The following RAB27B variants were observed in gnomAD, a reference collection of about 807,000 sequenced individuals.
The protein encoded by RAB27B is ras-related protein Rab-27B.
Under a neutral mutation model 24.6 loss-of-function variants are expected in RAB27B, and 15 were observed. The ratio of observed to expected loss-of-function variants is 0.61; its 90% CI spans 0.41 to 0.94. RAB27B has a LOEUF of 0.94. Ranked by LOEUF, RAB27B falls within the 40% of genes least tolerant of loss-of-function variation. RAB27B has a pLI of 0.00. For missense variants in RAB27B, 261 were observed against 266.8 expected, an observed-to-expected ratio of 0.98 and a Z score of 0.15; for synonymous variants, 105 against 92.5, an observed-to-expected ratio of 1.14 and a Z score of -0.78.
chr18:54,873,635 T>C (rs1376476650), intron 1 of RAB27B, among the ~76,000 whole-genome samples: 2 of 148,910 alleles, frequency 1.3e-5, no homozygotes, highest in East Asian at 1.9e-4. Flanking sequence ...TATATGATTT[T>C]AGGACTCAAA....
Position 54,798,246 on chromosome 18 carries a change from A to G in RAB27B, c.-19-79321A>G, listed in dbSNP as rs1328943527. ...CCGTAGTGGGACTAAACATAGAGGCAGTCCTCCTCCAAGGCTGAGAAGCCA... is the reference window on the plus strand; with the variant it reads ...CCGTAGTGGGACTAAACATAGAGGCGGTCCTCCTCCAAGGCTGAGAAGCCA... On this transcript the variant is annotated intron_variant, in intron 2 of 4. Coordinates refer to the RAB27B transcript ENST00000586570. Among the ~76,000 whole-genome samples the G allele has an allele frequency of 2.6e-5, 4 of 152,246 alleles. No homozygotes were observed. The South Asian group carries it at 6.2e-4, about 24-fold the overall frequency.
At chr18:54,874,482 C>T (rs776410855) in intron 1 of RAB27B, among the ~76,000 whole-genome samples, 124 of 151,224 alleles carry the variant, frequency 8.2e-4, no homozygotes, top group Non-Finnish European at 1.5e-3. Flanking sequence ...CCTGACACTA[C>T]GTATTGAAGA....
chr18:54,827,480 C>G (rs1435445799), upstream of RAB27B, among the ~76,000 whole-genome samples: 1 of 152,168 alleles, frequency 6.6e-6, no homozygotes, highest in Non-Finnish European at 1.5e-5. Context: ...CTCTAATATT[C>G]CATTTTTCCA....
At chr18:54,728,801 G>A (rs916215748) in intron 2 of RAB27B, among the ~76,000 whole-genome samples, 1 of 147,532 alleles carries the variant, frequency 6.8e-6, no homozygotes, top group African/African-American at 2.5e-5. Context: ...GCTTTAACCA[G>A]GGGGACAGAG....
intron 3 of RAB27B, chr18:54,880,501 A>T (rs915581254): frequency 6.6e-6 from 1 of 152,146 alleles, no homozygotes; most frequent in African/African-American, 2.4e-5. Flanking sequence ...TTTGAAATGC[A>T]TCCAAAGCGT....
chr18:54,730,175 G>C (rs553625168), intron 2 of RAB27B, among the ~76,000 whole-genome samples: 6 of 152,100 alleles, frequency 3.9e-5, no homozygotes, highest in Admixed American at 3.3e-4. Context: ...CTTTTATGAC[G>C]TTTTAGTCTG....
chr18:54,780,222 CT>C (rs1464446057), intron 2 of RAB27B, among the ~76,000 whole-genome samples: 1 of 144,030 alleles, frequency 6.9e-6, no homozygotes, highest in Non-Finnish European at 1.5e-5. Flanking sequence ...CGTGTCTCCC[CT>C]CTCCAGACAA....
intron 2 of RAB27B, among the ~76,000 whole-genome samples, chr18:54,814,307 T>C (rs1910056947): frequency 6.6e-6 from 1 of 152,366 alleles, no homozygotes; most frequent in South Asian, 2.1e-4. Flanking sequence ...AATCCAGATT[T>C]ATTGAATAAA....
chr18:54,718,924 G>A (rs1011499631), intron 2 of RAB27B, among the ~76,000 whole-genome samples: 6 of 152,148 alleles, frequency 3.9e-5, no homozygotes, highest in Non-Finnish European at 8.8e-5. Context: ...ACTGTTAGAT[G>A]TGGTTTTGAC....
intron 1 of RAB27B, among the ~76,000 whole-genome samples, chr18:54,856,116 T>C (rs1301033797): frequency 6.6e-6 from 1 of 152,144 alleles, no homozygotes; most frequent in Non-Finnish European, 1.5e-5. Flanking sequence ...TAAAAAAGAA[T>C]TAAAATATGG....
At chr18:54,858,453 C>T (rs1446232446) in intron 1 of RAB27B, among the ~76,000 whole-genome samples, 3 of 148,698 alleles carry the variant, frequency 2.0e-5, no homozygotes, top group African/African-American at 7.5e-5. Flanking sequence ...GGTGCGATCT[C>T]GGCTCACTGC....
intron 1 of RAB27B, among the ~76,000 whole-genome samples, chr18:54,874,165 A>G (rs1912596035): frequency 6.6e-6 from 1 of 152,198 alleles, no homozygotes. Context: ...GTCTCATTCT[A>G]CAAGTGGGAA....
chr18:54,802,266 G>C (rs954669001), intron 2 of RAB27B, among the ~76,000 whole-genome samples: 7 of 152,166 alleles, frequency 4.6e-5, no homozygotes, highest in African/African-American at 1.7e-4. Context: ...GGACACAGAG[G>C]TTGTACTCCT....
chr18:54,838,045 T>C (rs1273602974), intron 1 of RAB27B, among the ~76,000 whole-genome samples: 1 of 152,164 alleles, frequency 6.6e-6, no homozygotes, highest in African/African-American at 2.4e-5. Context: ...AATATCATGC[T>C]CTAATAATTG....
intron 4 of RAB27B, among the ~76,000 whole-genome samples, chr18:54,885,270 G>A (rs950933045): frequency 4.7e-4 from 72 of 152,192 alleles, no homozygotes; most frequent in Middle Eastern, 3.4e-3. Flanking sequence ...ATTTGTCTGG[G>A]CCATCTGTAG....
At chr18:54,804,918 C>CTT (rs1360758241) in intron 2 of RAB27B, among the ~76,000 whole-genome samples, 1 of 68,278 alleles carries the variant, frequency 1.5e-5, no homozygotes, top group African/African-American at 4.4e-5. Context: ...TTCTTTCTTT[C>CTT]TTTCTTTCTT....
intron 2 of RAB27B, among the ~76,000 whole-genome samples, chr18:54,804,907 T>C (rs1336845527): frequency 3.2e-5 from 1 of 30,972 alleles, no homozygotes; most frequent in Non-Finnish European, 8.8e-5. Context: ...TCTCTCTCTC[T>C]TTCTTTCTTT....
At chr18:54,764,787 T>G (rs1184096599) in intron 2 of RAB27B, among the ~76,000 whole-genome samples, 1 of 152,170 alleles carries the variant, frequency 6.6e-6, no homozygotes, top group Non-Finnish European at 1.5e-5. Context: ...ATTTCAAATT[T>G]ATCTACTCCA....
intron 2 of RAB27B, among the ~76,000 whole-genome samples, chr18:54,733,649 A>AGC (rs971997484): frequency 1.4e-5 from 1 of 71,272 alleles, no homozygotes; most frequent in Admixed American, 1.5e-4. Flanking sequence ...TCTGTTCTAG[A>AGC]GCCCCCCCCC....
Sources: gnomAD v4.1 joint callset for allele counts (sites outside exome capture counted in the v4.1 genomes callset) on GRCh38, gnomAD v4.1.1 for gene constraint, MANE v1.5 for transcripts, NCBI Gene and HGNC (gene_info 2026-07-23, HGNC 2026-07-21) for gene names.